The following RPS6KC1 variants were observed in gnomAD, a reference collection of about 807,000 sequenced individuals.
The protein encoded by RPS6KC1 is inactive ribosomal protein S6 kinase delta-1.
In RPS6KC1, 54 loss-of-function variants were observed where a neutral mutation model predicts 103.8. The observed-to-expected ratio is 0.52, with a 90% CI of 0.42 to 0.65. RPS6KC1 has a LOEUF of 0.65. Ranked by LOEUF, RPS6KC1 falls within the 30% of genes least tolerant of loss-of-function variation. The pLI is 0.00. For synonymous variants in RPS6KC1, 439 were observed against 438.7 expected (o/e 1.00, Z -0.01); for missense variants, 1,151 against 1,253.8 (o/e 0.92, Z 1.24).
At chr1:213,668,153 C>G in the RPS6KC1 span, among the ~76,000 whole-genome samples, 2 of 152,152 alleles carry the variant, frequency 1.3e-5, no homozygotes, top group Non-Finnish European at 2.9e-5. Flanking sequence ...GAATCCTTTC[C>G]AGAAGGTTTT....
At chr1:213,579,416 G>T in the RPS6KC1 span, among the ~76,000 whole-genome samples, 2 of 152,100 alleles carry the variant, frequency 1.3e-5, no homozygotes, top group Non-Finnish European at 2.9e-5. Context: ...TTTAAGGAAA[G>T]AAGCCACCTC....
chr1:213,599,661 C>T, the RPS6KC1 span, among the ~76,000 whole-genome samples: 3 of 152,266 alleles, frequency 2.0e-5, no homozygotes, highest in South Asian at 4.1e-4. Flanking sequence ...TTCTAGCTGG[C>T]GGTTTTGCAT....
At chr1:213,744,950 A>C in the RPS6KC1 span, among the ~76,000 whole-genome samples, 1 of 152,254 alleles carries the variant, frequency 6.6e-6, no homozygotes, top group African/African-American at 2.4e-5. Context: ...TGATGTCGGC[A>C]TGAGGCCCTT....
In RPS6KC1 at chr1:213,209,769, T is replaced by G. The variant is rs187166353; in HGVS notation, c.1045-20728T>G. On this transcript the variant is annotated intron_variant, in intron 8 of 14. Coordinates refer to ENST00000366960, the MANE Select transcript of RPS6KC1 (RefSeq NM_012424.6). ...TAGGCAGAGTAGGAGCATGGGCTGC[T>G]TGACTGAGGATACTTAACGGTTATT... is the stretch of plus-strand genomic sequence containing the variant. Among the ~76,000 whole-genome samples the G allele has an allele frequency of 1.8e-3, 265 of 150,590 alleles. 1 individual carries two copies. The highest frequency in any genetic ancestry group is 6.2e-3 in the African/African-American group (258 of 41,330).
the RPS6KC1 span, among the ~76,000 whole-genome samples, chr1:213,779,814 G>T: frequency 1.6e-4 from 24 of 152,104 alleles, no homozygotes; most frequent in Admixed American, 1.0e-3. Context: ...GCTTCTGATG[G>T]GACCAACATG....
intron 6 of RPS6KC1, among the ~76,000 whole-genome samples, chr1:213,142,552 A>C (rs1048424824): frequency 1.2e-4 from 18 of 152,006 alleles, no homozygotes; most frequent in African/African-American, 4.1e-4. Context: ...GGATGTTTTC[A>C]GGTGGATGAA....
the RPS6KC1 span, among the ~76,000 whole-genome samples, chr1:213,668,957 A>G: frequency 6.6e-6 from 1 of 152,294 alleles, no homozygotes; most frequent in Middle Eastern, 3.4e-3. Flanking sequence ...GAAGAGAGCT[A>G]GGGGCTTGTT....
chr1:213,281,908 C>G, the RPS6KC1 span, among the ~76,000 whole-genome samples: 1 of 152,284 alleles, frequency 6.6e-6, no homozygotes, highest in East Asian at 1.9e-4. Flanking sequence ...GTTGTGGAAG[C>G]TCTAAATCCA....
the RPS6KC1 span, among the ~76,000 whole-genome samples, chr1:213,609,262 A>T: frequency 6.6e-6 from 1 of 152,208 alleles, no homozygotes; most frequent in Non-Finnish European, 1.5e-5. Context: ...AACAATCTAG[A>T]ATTTCAGGTT....
At chr1:213,103,953 C>T (rs986523231) in intron 3 of RPS6KC1, among the ~76,000 whole-genome samples, 4 of 152,124 alleles carry the variant, frequency 2.6e-5, no homozygotes, top group African/African-American at 9.7e-5. Context: ...CAGCATCACA[C>T]GTTGAATTTA....
chr1:213,623,578 A>C, the RPS6KC1 span, among the ~76,000 whole-genome samples: 1 of 152,202 alleles, frequency 6.6e-6, no homozygotes, highest in East Asian at 1.9e-4. Context: ...TCACAAGAGA[A>C]GTTGACCAGG....
At chr1:213,568,500 A>G in the RPS6KC1 span, among the ~76,000 whole-genome samples, 20,834 of 152,214 alleles carry the variant, frequency 0.14, 1,617 homozygotes, top group Non-Finnish European at 0.17. Flanking sequence ...GCTGCTCCTA[A>G]TTATACTCCA....
the RPS6KC1 span, among the ~76,000 whole-genome samples, chr1:213,474,256 C>G: frequency 1.3e-5 from 2 of 152,054 alleles, no homozygotes; most frequent in Admixed American, 6.5e-5. Context: ...CTCCTTGGCC[C>G]GGATCCCAGT....
the RPS6KC1 span, among the ~76,000 whole-genome samples, chr1:213,706,883 C>CT: frequency 6.6e-6 from 1 of 152,066 alleles, no homozygotes; most frequent in African/African-American, 2.4e-5. Context: ...TGAACTCATC[C>CT]TTTTTTATGG....
the RPS6KC1 span, among the ~76,000 whole-genome samples, chr1:213,651,557 C>T: frequency 2.0e-5 from 3 of 152,162 alleles, no homozygotes; most frequent in Non-Finnish European, 4.4e-5. Context: ...ATATCATGCC[C>T]TGTTCACAAC....
At chr1:213,764,004 C>T in the RPS6KC1 span, among the ~76,000 whole-genome samples, 10 of 152,208 alleles carry the variant, frequency 6.6e-5, no homozygotes, top group African/African-American at 1.9e-4. Flanking sequence ...CCGTTATTGG[C>T]CCATCCCTTC....
chr1:213,158,056 A>ATG (rs1007481238), intron 6 of RPS6KC1, among the ~76,000 whole-genome samples: 1 of 151,960 alleles, frequency 6.6e-6, no homozygotes, highest in African/African-American at 2.4e-5. Context: ...CTTTGAATCA[A>ATG]TGTATATCTT....
chr1:213,631,125 TA>T, the RPS6KC1 span, among the ~76,000 whole-genome samples: 1 of 152,118 alleles, frequency 6.6e-6, no homozygotes, highest in Non-Finnish European at 1.5e-5. Context: ...TTTCTTTGAC[TA>T]GGAAAGGGAA....
intron 1 of RPS6KC1, among the ~76,000 whole-genome samples, chr1:213,058,412 T>A (rs1478017410): frequency 2.6e-5 from 4 of 152,118 alleles, no homozygotes; most frequent in Non-Finnish European, 4.4e-5. Context: ...TTTTATATTT[T>A]GCTCTATGAT....
Sources: allele counts gnomAD v4.1 joint callset (sites outside exome capture counted in the v4.1 genomes callset), GRCh38; gene constraint gnomAD v4.1.1; transcripts MANE v1.5; gene names NCBI Gene and HGNC (gene_info 2026-07-23, HGNC 2026-07-21).